OSBPL5: variants seen among roughly 807,000 people sequenced by gnomAD.
The protein encoded by OSBPL5 is oxysterol-binding protein-related protein 5.
Under a neutral mutation model 111.2 loss-of-function variants are expected in OSBPL5, and 71 were observed. That is an observed-to-expected ratio of 0.64 (90% CI 0.53 to 0.78). OSBPL5 has a LOEUF of 0.78. Ranked by LOEUF, OSBPL5 falls within the 30% of genes least tolerant of loss-of-function variation. The pLI is 0.00. For missense variants in OSBPL5, 1,210 were observed against 1,189.3 expected (o/e 1.02, Z -0.26); for synonymous variants, 549 against 513.9 (o/e 1.07, Z -0.93).
chr11:3,129,157 C>T lies in OSBPL5; in HGVS notation c.-9G>A, dbSNP rs766445004. ...AAGGCCTCCTCCTTCATGCTGTGGG[C>T]GCTCGGGGGCTTCTGGAAGGAAGGA... On this transcript the variant is annotated 5_prime_UTR_variant, in exon 2 of 22. Coordinates refer to ENST00000263650, the MANE Select transcript of OSBPL5 (RefSeq NM_020896.4). The T allele has an allele frequency of 2.5e-5, 36 of 1,413,824 alleles. No homozygotes were observed. The East Asian group carries it at 3.8e-4, about 15-fold the overall frequency. 87.6% of individuals were successfully genotyped at this position (1,413,824 alleles called of 1,614,324 possible).
rs374457287 is a variant in OSBPL5 at position 3,092,434 on chromosome 11, C to G, written c.2257G>C (p.Glu753Gln). 4 of 1,578,648 alleles carry G rather than the reference C, an allele frequency of 2.5e-6. No individual in the cohort carries two copies. In the Admixed American group the frequency reaches 7.1e-5, roughly 28 times the overall value. ...TFLGSPGPRH[E>Q]RSGPDQRLRK... is the part of the protein sequence containing the mutation. ...GGTGGGGCCTGTGGGGTGCTGACCT[C>G]GTGCCTGGGCCCTGGGCTGCCCAGG... The change falls in exon 19 of 22, where the codon GAG becomes CAG. Residue 753 changes from glutamate to glutamine, a missense_variant and splice_region_variant. Coordinates refer to ENST00000263650, the MANE Select transcript of OSBPL5 (RefSeq NM_020896.4). This position sits in a 1 kb window ranked among gnomAD's most constrained non-coding sequence, Gnocchi z 5.4.
In OSBPL5 at chr11:3,126,494, G is replaced by A. The variant is rs199775266; in HGVS notation, c.198C>T (p.Ser66=). Residue 66 remains serine, a synonymous_variant, in exon 3 of 22, where the codon AGC becomes AGT. Coordinates refer to ENST00000263650, the MANE Select transcript of OSBPL5 (RefSeq NM_020896.4). The surrounding 1 kb of genome is among the most constrained non-coding windows in gnomAD (Gnocchi z 6.5). The part of the protein sequence containing the change: ...LPRDEGPPTP[S]SATKVPPAEY... ...TTACCGGTGGCACCTTCGTGGCAGA[G>A]CTTGGGGTCGGGGGCCCTTCATCCC... 3 of 1,609,706 alleles carry A rather than the reference G, an allele frequency of 1.9e-6. No individual in the cohort carries two copies. The Admixed American group carries it at 5.0e-5, about 27-fold the overall frequency.
At position 3,130,582 on chromosome 11, in the gene OSBPL5, C is replaced by T. The variant is rs1858790888; in HGVS notation, c.-21-1413G>A. ...CAAGGATGCAGCCAGGCTGGGCCAG[C>T]CCCTCCCTCACCTGGCCCCTGGCTC... On this transcript the variant is annotated intron_variant, in intron 1 of 21. Coordinates refer to ENST00000263650, the MANE Select transcript of OSBPL5 (RefSeq NM_020896.4). This position sits in a 1 kb window ranked among gnomAD's most constrained non-coding sequence, Gnocchi z 4.5. Among the ~76,000 whole-genome samples, 1 of 152,066 alleles carries T rather than the reference C, an allele frequency of 6.6e-6. No homozygotes were observed. Among genetic ancestry groups the T allele is most frequent in the Admixed American group, 6.5e-5 (1 of 15,282 alleles).
chr11:3,124,267 C>T (rs1858522567), intron 3 of OSBPL5, among the ~76,000 whole-genome samples: 1 of 152,144 alleles, frequency 6.6e-6, no homozygotes, highest in Admixed American at 6.5e-5. Context: ...CAAGTAAGAG[C>T]ATTCAGGATC....
rs979438104 is a variant in OSBPL5 at position 3,126,571 on chromosome 11, G to A, written c.137-16C>T. Reference sequence around the variant, plus strand: ...ATGTCCTTCCCTGCAAGAGAGCAGTGGGAGTGAGGACCCAGGCATGGTGGC... The same window carrying A: ...ATGTCCTTCCCTGCAAGAGAGCAGTAGGAGTGAGGACCCAGGCATGGTGGC... On this transcript the variant is annotated splice_polypyrimidine_tract_variant and intron_variant, in intron 2 of 21. Transcript: ENST00000263650. This position sits in a 1 kb window ranked among gnomAD's most constrained non-coding sequence, Gnocchi z 6.5. The A allele has an allele frequency of 6.9e-6, 11 of 1,602,376 alleles. No homozygotes were observed. The highest frequency in any genetic ancestry group is 9.4e-6 in the Non-Finnish European group (11 of 1,175,886).
At chr11:3,160,465 A>C (rs1846922679) in intron 1 of OSBPL5, among the ~76,000 whole-genome samples, 1 of 152,328 alleles carries the variant, frequency 6.6e-6, no homozygotes, top group South Asian at 2.1e-4. Context: ...AGGCGGGCAT[A>C]CAAATGCCGT....
rs1215898597 is a variant in OSBPL5, at chr11:3,116,022, T to G, written c.691+3525A>C. ...CAAAATCAAATTATAAATTATGTCT[T>G]TTTCTAACCTAATCCTTGAAGATAT... On this transcript the variant is annotated intron_variant, in intron 7 of 21. Coordinates refer to ENST00000263650, the MANE Select transcript of OSBPL5 (RefSeq NM_020896.4). Among the ~76,000 whole-genome samples, 7 of 152,278 alleles carry G rather than the reference T, an allele frequency of 4.6e-5. No individual in the cohort carries two copies. The East Asian group carries it at 1.4e-3, about 29-fold the overall frequency.
rs764682523 is a variant in OSBPL5 at position 3,122,328 on chromosome 11, C to T, written c.300+20G>A. 2.5e-6 allele frequency: 4 copies of T among 1,609,202 alleles called. No individual in the cohort carries two copies. The Admixed American group carries it at 5.0e-5, about 20-fold the overall frequency. On this transcript the variant is annotated intron_variant, in intron 4 of 21. Coordinates refer to ENST00000263650, the MANE Select transcript of OSBPL5 (RefSeq NM_020896.4). The stretch of plus-strand genomic sequence containing the variant: ...GGTCTGACAGTGACACTGCTGCACC[C>T]TCCCCGGGCCCGGGCTCACCTTGAG...
Position 3,154,731 on chromosome 11 carries a change from T to A in OSBPL5, c.-22+10485A>T, listed in dbSNP as rs950329406. ...GCTAAATGTGTCCCCTCAATCCATGTGTTGATGTCTCAGCCCCTAGGACCT... is the reference window on the plus strand; with the variant it reads ...GCTAAATGTGTCCCCTCAATCCATGAGTTGATGTCTCAGCCCCTAGGACCT... On this transcript the variant is annotated intron_variant, in intron 1 of 21. Coordinates refer to ENST00000263650, the MANE Select transcript of OSBPL5 (RefSeq NM_020896.4). This position sits in a 1 kb window ranked among gnomAD's most constrained non-coding sequence, Gnocchi z 4.9. 1.1e-4 allele frequency among the ~76,000 whole-genome samples: 17 copies of A among 152,076 alleles called. No individual in the cohort carries two copies. The highest frequency in any genetic ancestry group is 8.8e-5 in the Non-Finnish European group (6 of 68,022).
At chr11:3,093,077 G>A (rs12362578) in intron 17 of OSBPL5, 25 bp from the exon 18 acceptor site, 159 of 1,523,492 alleles carry the variant, frequency 1.0e-4, no homozygotes, top group Non-Finnish European at 1.4e-4. Context: ...CCCATCCTGA[G>A]CCAGTGGCCC....
chr11:3,093,938 G>A lies in OSBPL5; in HGVS notation c.1720-103C>T. ...AACAGTTATTCTCTTGGGGTGCCTG[G>A]GAGCCCAGGAGGGATGGACCCAACC... is the stretch of plus-strand genomic sequence containing the variant. On this transcript the variant is annotated intron_variant, in intron 15 of 21. Transcript: ENST00000263650. The A allele has an allele frequency of 3.6e-6, 5 of 1,394,254 alleles. No individual in the cohort carries two copies. In the Admixed American group the frequency reaches 6.1e-5, roughly 17 times the overall value. 86.4% of individuals were successfully genotyped at this position (1,394,254 alleles called of 1,614,324 possible). A position where few individuals can be genotyped will look rare whatever the true frequency, so the allele number is the denominator to read the frequency against.
At chr11:3,102,126 A>C in intron 12 of OSBPL5, 57 bp downstream of exon 12, 14 of 1,488,626 alleles carry the variant, frequency 9.4e-6, no homozygotes, top group African/African-American at 1.4e-5. Context: ...CCGCCCCCAC[A>C]GAGCCCCGCC....
intron 6 of OSBPL5, 146 bp downstream of exon 6, chr11:3,120,275 C>T: frequency 1.0e-6 from 1 of 963,874 alleles, no homozygotes; most frequent in Non-Finnish European, 1.5e-6. Flanking sequence ...CCCCTGGCCG[C>T]ATGTGGGGCT....
chr11:3,089,495 G>C (rs549466407), intron 21 of OSBPL5, among the ~76,000 whole-genome samples: 9 of 141,334 alleles, frequency 6.4e-5, no homozygotes, highest in African/African-American at 2.4e-4. Flanking sequence ...GGCCACCACA[G>C]TGAGCCCAGG....
At chr11:3,132,300 C>A (rs1395276022) in intron 1 of OSBPL5, among the ~76,000 whole-genome samples, 1 of 152,050 alleles carries the variant, frequency 6.6e-6, no homozygotes, top group Non-Finnish European at 1.5e-5. Context: ...GCCCTGCAGA[C>A]CACCTCTGAC....
chr11:3,095,467 A>C (rs1420525165), intron 14 of OSBPL5, among the ~76,000 whole-genome samples: 2 of 152,198 alleles, frequency 1.3e-5, no homozygotes, highest in Non-Finnish European at 2.9e-5. Flanking sequence ...TCCTAGGTGC[A>C]CACATGGTCA....
At chr11:3,108,996 G>A (rs999876752) in intron 7 of OSBPL5, among the ~76,000 whole-genome samples, 6 of 152,144 alleles carry the variant, frequency 3.9e-5, no homozygotes, top group Non-Finnish European at 8.8e-5. Flanking sequence ...TCGAACTCCC[G>A]ACCTCAGGTG....
intron 5 of OSBPL5, 128 bp from the exon 6 acceptor site, chr11:3,120,752 TC>T: frequency 2.1e-6 from 2 of 936,206 alleles, no homozygotes; most frequent in Non-Finnish European, 3.2e-6. Flanking sequence ...CCTCCCTCAC[TC>T]CCCCACACCA....
intron 1 of OSBPL5, among the ~76,000 whole-genome samples, chr11:3,134,860 T>G (rs1845908341): frequency 6.6e-6 from 1 of 151,970 alleles, no homozygotes; most frequent in African/African-American, 2.4e-5. Context: ...GGGGCAAGTG[T>G]GGGTGCCGGG....
Sources: gnomAD v4.1 joint callset for allele counts (sites outside exome capture counted in the v4.1 genomes callset) on GRCh38, gnomAD v4.1.1 for gene constraint, Gnocchi (gnomAD v3.1) non-coding constraint, MANE v1.5 for transcripts, NCBI Gene and HGNC (gene_info 2026-07-23, HGNC 2026-07-21) for gene names.